The following MYLK variants were observed in gnomAD, a reference collection of about 807,000 sequenced individuals.
The protein encoded by MYLK is myosin light chain kinase, smooth muscle.
Under a neutral mutation model 203.4 loss-of-function variants are expected in MYLK, and 106 were observed. That is an observed-to-expected ratio of 0.52 (90% CI 0.45 to 0.61). The LOEUF (loss-of-function observed/expected upper bound fraction) is 0.61, where lower values mean the gene tolerates loss of function less well. MYLK is among the 20% of genes least tolerant of loss of function. MYLK has a pLI of 0.00. For synonymous variants in MYLK, 867 were observed against 959.5 expected, an observed-to-expected ratio of 0.90 and a Z score of 1.78; for missense variants, 2,072 against 2,442.3, an observed-to-expected ratio of 0.85 and a Z score of 3.20.
At chr3:123,744,767 T>C (rs1165297268) in intron 5 of MYLK, among the ~76,000 whole-genome samples, 1 of 152,138 alleles carries the variant, frequency 6.6e-6, no homozygotes, top group Admixed American at 6.5e-5. Context: ...CAAAAAATAA[T>C]GGAAATACAT....
At chr3:123,673,877 G>C (rs559998887) in intron 20 of MYLK, among the ~76,000 whole-genome samples, 4 of 152,164 alleles carry the variant, frequency 2.6e-5, no homozygotes, top group Non-Finnish European at 5.9e-5. Context: ...GGCAGAGCAC[G>C]CCCTACTCAG....
chr3:123,844,758 T>C (rs185870565), intron 2 of MYLK, among the ~76,000 whole-genome samples: 25 of 151,678 alleles, frequency 1.6e-4, no homozygotes, highest in Admixed American at 1.6e-3. Flanking sequence ...CAACCTCACC[T>C]TGATAACTCC....
At chr3:123,702,552 G>A (rs529785955) in intron 16 of MYLK, among the ~76,000 whole-genome samples, 101 of 152,308 alleles carry the variant, frequency 6.6e-4, no homozygotes, top group Middle Eastern at 6.8e-3. Context: ...GGATGTGGCC[G>A]TCTCACTAGC....
chr3:123,801,451 G>C (rs746807748), intron 3 of MYLK, among the ~76,000 whole-genome samples: 13 of 152,076 alleles, frequency 8.5e-5, no homozygotes, highest in Non-Finnish European at 1.8e-4. Context: ...TAGAGTAAGG[G>C]AGTACATGTG....
chr3:123,793,601 A>G (rs2064869246), intron 4 of MYLK, 76 bp downstream of exon 4: 1 of 1,552,828 alleles, frequency 6.4e-7, no homozygotes, highest in Non-Finnish European at 8.8e-7. Flanking sequence ...CAGCCGGCCC[A>G]GGAAAAGGCT....
At chr3:123,721,536 G>A (rs533210267) in intron 13 of MYLK, among the ~76,000 whole-genome samples, 1 of 152,250 alleles carries the variant, frequency 6.6e-6, no homozygotes, top group South Asian at 2.1e-4. Flanking sequence ...GATTACTGGA[G>A]ACCAGGCTGC....
In MYLK at chr3:123,845,208, T is replaced by C. The variant is rs77083020; in HGVS notation, c.-126-13538A>G. ...TGTGGAAAGGGGCTGCACAGGGCACTCTGTTAGGGTCCATTCCAACTCTAA... is the reference window on the plus strand; with the variant it reads ...TGTGGAAAGGGGCTGCACAGGGCACCCTGTTAGGGTCCATTCCAACTCTAA... On this transcript the variant is annotated intron_variant, in intron 2 of 33. Coordinates refer to ENST00000360304, the MANE Select transcript of MYLK (RefSeq NM_053025.4). 6.5e-3 allele frequency among the ~76,000 whole-genome samples: 997 copies of C among 152,214 alleles called. 8 individuals carry two copies. Among genetic ancestry groups the C allele is most frequent in the African/African-American group, 0.02 (841 of 41,516 alleles).
At chr3:123,791,907 A>G (rs2064797653) in intron 4 of MYLK, among the ~76,000 whole-genome samples, 1 of 152,260 alleles carries the variant, frequency 6.6e-6, no homozygotes, top group Non-Finnish European at 1.5e-5. Context: ...TTCATGAAGT[A>G]CTTTTACTAT....
At chr3:123,788,134 G>A (rs2064614045) in intron 4 of MYLK, among the ~76,000 whole-genome samples, 2 of 152,158 alleles carry the variant, frequency 1.3e-5, no homozygotes, top group African/African-American at 4.8e-5. Flanking sequence ...AGTAGCAGAA[G>A]GAAGGATGAA....
intron 16 of MYLK, among the ~76,000 whole-genome samples, chr3:123,706,191 C>T (rs1168879655): frequency 6.6e-6 from 1 of 152,096 alleles, no homozygotes; most frequent in Non-Finnish European, 1.5e-5. Context: ...CCCAAAGACT[C>T]CTAAGAAATA....
intron 2 of MYLK, among the ~76,000 whole-genome samples, chr3:123,842,516 A>G (rs1454038938): frequency 6.6e-6 from 1 of 152,232 alleles, no homozygotes; most frequent in East Asian, 1.9e-4. Context: ...ATGCCTGATA[A>G]TTACAAAATA....
chr3:123,684,099 C>G (rs189975891), intron 19 of MYLK, among the ~76,000 whole-genome samples: 1 of 152,244 alleles, frequency 6.6e-6, no homozygotes, highest in Admixed American at 6.5e-5. Context: ...CCCCAAGGAT[C>G]GTGGTCATTC....
At chr3:123,698,653 T>A (rs1449189063) in intron 18 of MYLK, among the ~76,000 whole-genome samples, 1 of 152,074 alleles carries the variant, frequency 6.6e-6, no homozygotes, top group Non-Finnish European at 1.5e-5. Flanking sequence ...TCTGAGGACA[T>A]CCACATGGAA....
intron 27 of MYLK, among the ~76,000 whole-genome samples, chr3:123,641,114 C>T (rs745706796): frequency 6.6e-6 from 1 of 152,220 alleles, no homozygotes; most frequent in Non-Finnish European, 1.5e-5. Flanking sequence ...ACTGGTCTCC[C>T]TTGGACCCCT....
chr3:123,653,568 G>C (rs1186508922), intron 24 of MYLK, among the ~76,000 whole-genome samples: 1 of 152,160 alleles, frequency 6.6e-6, no homozygotes, highest in Non-Finnish European at 1.5e-5. Context: ...CAGCTGGGAG[G>C]GGTGGCAGCA....
intron 3 of MYLK, among the ~76,000 whole-genome samples, chr3:123,798,653 A>G (rs999295352): frequency 6.6e-6 from 1 of 152,164 alleles, no homozygotes. Flanking sequence ...GTCTGGCTTC[A>G]GGTTAGAAAA....
rs776724662 is a variant in MYLK at position 123,682,298 on chromosome 3, C to T, written c.3578G>A (p.Ser1193Asn). The change falls in exon 20 of 34, where the codon AGT becomes AAT. Residue 1193 changes from serine (S) to asparagine (N), a missense_variant. Physicochemically the swap from Ser to Asn is conservative, Grantham distance 46. Transcript: ENST00000360304. ...CATCTCTGGGGCCTTGGTGTTCTCA[C>T]TGGCTGGAGCATCTGGAATGAAACA... The part of the protein sequence containing the change: ...CQVTVDDAPA[S>N]ENTKAPEMKS... The T allele has an allele frequency of 6.2e-7, 1 of 1,600,624 alleles. No homozygotes were observed. The highest frequency in any genetic ancestry group is 8.5e-7 in the Non-Finnish European group (1 of 1,173,500).
At chr3:123,641,425 T>C (rs925066904) in intron 27 of MYLK, among the ~76,000 whole-genome samples, 3 of 152,102 alleles carry the variant, frequency 2.0e-5, no homozygotes. Context: ...CTTGCTTTTC[T>C]TTTTTTCTTC....
At chr3:123,720,481 T>C (rs820349) in intron 13 of MYLK, among the ~76,000 whole-genome samples, 127,486 of 150,964 alleles carry the variant, frequency 0.84, 56,965 homozygotes, top group Non-Finnish European at 0.99. Context: ...GCCCCTTACT[T>C]GACTCTGGGG....
Sources: allele counts gnomAD v4.1 joint callset (sites outside exome capture counted in the v4.1 genomes callset), GRCh38; gene constraint gnomAD v4.1.1; transcripts MANE v1.5; gene names NCBI Gene and HGNC (gene_info 2026-07-23, HGNC 2026-07-21).